Variants in PTPRD observed in about 807,000 individuals in gnomAD.
PTPRD encodes receptor-type tyrosine-protein phosphatase delta.
A neutral mutation model predicts 214.5 loss-of-function variants in PTPRD; 34 were observed. The ratio of observed to expected loss-of-function variants is 0.16; its 90% CI spans 0.12 to 0.21. PTPRD has a LOEUF of 0.21. Ranked by LOEUF, PTPRD falls within the 10% of genes least tolerant of loss-of-function variation. The pLI is 1.00. For missense variants in PTPRD, 2,545 were observed against 2,398.7 expected, an observed-to-expected ratio of 1.06 and a Z score of -1.27; for synonymous variants, 1,128 against 845.7, an observed-to-expected ratio of 1.33 and a Z score of -5.79.
chr9:8,932,639 G>C (rs1262760112), intron 11 of PTPRD, among the ~76,000 whole-genome samples: 1 of 152,170 alleles, frequency 6.6e-6, no homozygotes, highest in Non-Finnish European at 1.5e-5. Flanking sequence ...GCTCTGCCCA[G>C]TCTGAACTTC....
At chr9:10,560,146 A>T (rs1344597389) in intron 2 of PTPRD, among the ~76,000 whole-genome samples, 5 of 152,136 alleles carry the variant, frequency 3.3e-5, no homozygotes, top group African/African-American at 1.2e-4. Flanking sequence ...TAGCAAAGAC[A>T]TGGAACCAAC....
intron 11 of PTPRD, among the ~76,000 whole-genome samples, chr9:8,768,707 C>T (rs7873114): frequency 0.046 from 7,040 of 152,172 alleles, 410 homozygotes; most frequent in African/African-American, 0.13. Context: ...ATAAAACTTA[C>T]TTTCCTTCTA....
intron 10 of PTPRD, among the ~76,000 whole-genome samples, chr9:9,174,220 C>G (rs967306105): frequency 3.3e-5 from 5 of 152,084 alleles, no homozygotes; most frequent in African/African-American, 1.2e-4. Context: ...TGTAACAGAT[C>G]ATGAACTCCT....
chr9:10,034,360 C>G (rs1398365048), intron 3 of PTPRD, among the ~76,000 whole-genome samples: 1 of 148,658 alleles, frequency 6.7e-6, no homozygotes, highest in African/African-American at 2.5e-5. Context: ...AAATTCCTGC[C>G]TTTTACTATT....
At chr9:8,565,802 A>T (rs10511500) in intron 14 of PTPRD, among the ~76,000 whole-genome samples, 2 of 151,986 alleles carry the variant, frequency 1.3e-5, no homozygotes, top group African/African-American at 4.8e-5. Flanking sequence ...AACTGGGGTA[A>T]GTTATTCATC....
At chr9:9,065,199 T>C (rs1249765799) in intron 10 of PTPRD, among the ~76,000 whole-genome samples, 2 of 152,236 alleles carry the variant, frequency 1.3e-5, no homozygotes, top group East Asian at 3.9e-4. Context: ...TATTAGGAAG[T>C]GATAGTGCTA....
intron 8 of PTPRD, among the ~76,000 whole-genome samples, chr9:9,449,707 C>T (rs779939476): frequency 6.6e-6 from 1 of 151,836 alleles, no homozygotes; most frequent in Non-Finnish European, 1.5e-5. Context: ...TCAGACATAA[C>T]CTCAATTATA....
In PTPRD at chr9:8,374,159, AT is replaced by A. The variant is rs1241236635; in HGVS notation, c.4661+1776del. ...GTGTGTGTGTGTGTGTGTGTACCGT[AT>A]TTTTGCCATTAGGCATATAAGGGCA... On this transcript the variant is annotated intron_variant, in intron 39 of 45. Coordinates refer to ENST00000381196, the MANE Select transcript of PTPRD (RefSeq NM_002839.4). 2.7e-5 allele frequency among the ~76,000 whole-genome samples: 4 copies of A among 148,108 alleles called. No homozygotes were observed. The Admixed American group carries it at 2.7e-4, about 10-fold the overall frequency.
intron 14 of PTPRD, among the ~76,000 whole-genome samples, chr9:8,546,152 A>T (rs1472529330): frequency 1.3e-5 from 2 of 152,206 alleles, no homozygotes; most frequent in Non-Finnish European, 2.9e-5. Flanking sequence ...ACTTGGCCAG[A>T]GGAGTAATAT....
intron 2 of PTPRD, among the ~76,000 whole-genome samples, chr9:10,405,792 T>C (rs1408918137): frequency 1.3e-5 from 2 of 151,426 alleles, no homozygotes; most frequent in African/African-American, 4.8e-5. Context: ...TGAAGCCTAA[T>C]TACATCAATT....
chr9:9,044,032 A>G (rs1335295899), intron 10 of PTPRD, among the ~76,000 whole-genome samples: 1 of 152,198 alleles, frequency 6.6e-6, no homozygotes, highest in Non-Finnish European at 1.5e-5. Flanking sequence ...TTCAATTTAA[A>G]TAAGAGCTAA....
At chr9:9,519,176 T>C (rs1157992733) in intron 8 of PTPRD, among the ~76,000 whole-genome samples, 1 of 151,834 alleles carries the variant, frequency 6.6e-6, no homozygotes, top group Admixed American at 6.6e-5. Flanking sequence ...ACATTACCCA[T>C]CTAAATAGTG....
chr9:9,939,722 T>C (rs759705308), intron 4 of PTPRD, among the ~76,000 whole-genome samples: 3 of 152,136 alleles, frequency 2.0e-5, no homozygotes, highest in Non-Finnish European at 2.9e-5. Context: ...TCTTCTGGTG[T>C]CAAGCTTGGA....
At chr9:8,502,356 T>C (rs1166023894) in intron 23 of PTPRD, among the ~76,000 whole-genome samples, 1 of 152,042 alleles carries the variant, frequency 6.6e-6, no homozygotes, top group Non-Finnish European at 1.5e-5. Context: ...ATGTGTAGTC[T>C]GGGGATTTCC....
chr9:9,198,723 G>A (rs1263938163), intron 9 of PTPRD, among the ~76,000 whole-genome samples: 1 of 152,292 alleles, frequency 6.6e-6, no homozygotes, highest in East Asian at 1.9e-4. Context: ...GTGGATAGAT[G>A]CCTTATGATT....
intron 11 of PTPRD, among the ~76,000 whole-genome samples, chr9:8,742,272 T>A (rs1020247138): frequency 2.0e-5 from 3 of 152,158 alleles, no homozygotes; most frequent in Non-Finnish European, 2.9e-5. Context: ...ATGCACAACA[T>A]GATGTTTGAA....
intron 3 of PTPRD, among the ~76,000 whole-genome samples, chr9:10,052,715 C>T (rs2097556508): frequency 6.6e-6 from 1 of 152,102 alleles, no homozygotes; most frequent in Non-Finnish European, 1.5e-5. Context: ...CTATGCTTTT[C>T]CTCCTGAAAC....
intron 10 of PTPRD, among the ~76,000 whole-genome samples, chr9:9,095,777 T>A (rs1216080104): frequency 6.6e-6 from 1 of 152,164 alleles, no homozygotes; most frequent in Admixed American, 6.5e-5. Context: ...AAATAAATCA[T>A]CACTTTGTTA....
chr9:9,019,298 AAG>A (rs1432480298), intron 10 of PTPRD, among the ~76,000 whole-genome samples: 1 of 62,124 alleles, frequency 1.6e-5, no homozygotes, highest in Non-Finnish European at 3.4e-5. Flanking sequence ...GAAAGAAAGA[AAG>A]AAAGAAAGAA....
Sources: allele counts gnomAD v4.1 joint callset (sites outside exome capture counted in the v4.1 genomes callset), GRCh38; gene constraint gnomAD v4.1.1; transcripts MANE v1.5; gene names NCBI Gene and HGNC (gene_info 2026-07-23, HGNC 2026-07-21).